RUFY2: variants seen among roughly 807,000 people sequenced by gnomAD.
The protein encoded by RUFY2 is RUN and FYVE domain-containing protein 2.
RUFY2 carries 49 observed loss-of-function variants against 94.4 expected under a neutral mutation model. That is an observed-to-expected ratio of 0.52 (90% CI 0.41 to 0.66). The LOEUF (loss-of-function observed/expected upper bound fraction) is 0.66. Ranked by LOEUF, RUFY2 falls within the 30% of genes least tolerant of loss-of-function variation. The probability of loss-of-function intolerance (pLI) is 0.00; values close to 1 mark genes in which losing one functional copy is unlikely to be tolerated. For missense variants in RUFY2, 541 were observed against 692.8 expected (o/e 0.78, Z 2.46); for synonymous variants, 255 against 235.7 (o/e 1.08, Z -0.75).
At chr10:68,396,757 G>T (rs751378178) in intron 4 of RUFY2, 23 bp downstream of exon 4, 33 of 1,480,832 alleles carry the variant, frequency 2.2e-5, no homozygotes, top group Non-Finnish European at 3.1e-5. Flanking sequence ...AAAATGAAAA[G>T]ATCACGACTT....
chr10:68,385,493 T>C (rs1055757501), intron 8 of RUFY2, among the ~76,000 whole-genome samples: 9 of 151,900 alleles, frequency 5.9e-5, no homozygotes, highest in African/African-American at 1.9e-4. Context: ...GGTGGAAAAA[T>C]GGTCAACATG....
downstream of RUFY2, chr10:68,341,803 A>G: frequency 6.2e-7 from 1 of 1,610,604 alleles, no homozygotes; most frequent in South Asian, 1.1e-5. Flanking sequence ...GGGAATGGGG[A>G]ACAATTACAG....
chr10:68,397,899 C>A (rs1322976821), intron 3 of RUFY2, among the ~76,000 whole-genome samples: 1 of 151,852 alleles, frequency 6.6e-6, no homozygotes, highest in Non-Finnish European at 1.5e-5. Flanking sequence ...GAGGCCGAGG[C>A]GAGCGGATCA....
At chr10:68,365,454 G>C (rs1359707480) in intron 13 of RUFY2, among the ~76,000 whole-genome samples, 1 of 152,088 alleles carries the variant, frequency 6.6e-6, no homozygotes, top group Non-Finnish European at 1.5e-5. Flanking sequence ...CCCAGCCTGA[G>C]TGTGGGTGTG....
At chr10:68,357,320 C>T (rs977182171) in intron 15 of RUFY2, among the ~76,000 whole-genome samples, 1 of 151,546 alleles carries the variant, frequency 6.6e-6, no homozygotes, top group Non-Finnish European at 1.5e-5. Flanking sequence ...CCTCCGCCCC[C>T]AAGGTTCAAG....
intron 13 of RUFY2, among the ~76,000 whole-genome samples, chr10:68,369,266 C>T (rs971821357): frequency 6.6e-6 from 1 of 152,284 alleles, no homozygotes; most frequent in East Asian, 1.9e-4. Context: ...AAGCAGATCA[C>T]TTGAGGTCAG....
Position 68,344,230 on chromosome 10 carries a change from AAAATTT to A in RUFY2, c.*1532_*1537del, listed in dbSNP as rs368744319. 1.3e-5 allele frequency: 2 copies of A among 152,324 alleles called. No homozygotes were observed. Among genetic ancestry groups the A allele is most frequent in the African/African-American group, 4.8e-5 (2 of 41,582 alleles). 9.4% of individuals were successfully genotyped at this position (152,324 alleles called of 1,614,324 possible). ...TCATTTCATACTTAGGCTATTCAGA[AAAATTT>A]AAATTTCATGGAAGCATATATTCAT... On this transcript the variant is annotated 3_prime_UTR_variant, in exon 18 of 18. Transcript: ENST00000602465.
intron 3 of RUFY2, among the ~76,000 whole-genome samples, chr10:68,399,315 G>A (rs1351845802): frequency 1.3e-5 from 2 of 152,110 alleles, no homozygotes; most frequent in African/African-American, 4.8e-5. Context: ...AAAGTTCTGG[G>A]ATTATAGGCG....
At chr10:68,388,531 C>T (rs1241896001) in intron 7 of RUFY2, among the ~76,000 whole-genome samples, 1 of 152,086 alleles carries the variant, frequency 6.6e-6, no homozygotes, top group African/African-American at 2.4e-5. Context: ...ACAATAACTA[C>T]TTTTTATTAG....
At chr10:68,395,209 A>G (rs1326225933) in intron 4 of RUFY2, among the ~76,000 whole-genome samples, 1 of 151,998 alleles carries the variant, frequency 6.6e-6, no homozygotes, top group Admixed American at 6.6e-5. Flanking sequence ...GTGGTGGCAC[A>G]CGCCTGTAAT....
At chr10:68,392,543 C>A (rs1203320459) in intron 7 of RUFY2, among the ~76,000 whole-genome samples, 1 of 152,100 alleles carries the variant, frequency 6.6e-6, no homozygotes, top group African/African-American at 2.4e-5. Context: ...CAAACTGATA[C>A]AAACTTTTAC....
intron 16 of RUFY2, among the ~76,000 whole-genome samples, chr10:68,348,832 G>C (rs2046459920): frequency 6.6e-6 from 1 of 152,178 alleles, no homozygotes; most frequent in African/African-American, 2.4e-5. Flanking sequence ...AAAACTTAAA[G>C]CCTAGAGAGC....
At chr10:68,371,401 G>A (rs1258744382) in intron 13 of RUFY2, among the ~76,000 whole-genome samples, 3 of 151,144 alleles carry the variant, frequency 2.0e-5, no homozygotes, top group African/African-American at 2.4e-5. Flanking sequence ...CAACCTGGGC[G>A]ACAGGCTGAG....
chr10:68,352,562 T>C (rs1282918867), intron 16 of RUFY2, among the ~76,000 whole-genome samples: 1 of 152,192 alleles, frequency 6.6e-6, no homozygotes, highest in Admixed American at 6.6e-5. Context: ...GAAAACTTTA[T>C]CAAGAAGCTT....
In RUFY2 at chr10:68,343,682, A is replaced by G. The variant is rs757131030; in HGVS notation, c.*2086T>C. The G allele has an allele frequency of 1.3e-5, 2 of 152,510 alleles. No individual in the cohort carries two copies. Among genetic ancestry groups the G allele is most frequent in the Non-Finnish European group, 2.9e-5 (2 of 67,994 alleles). The allele number at this position is 152,510 out of a possible 1,614,324, so 9.4% of individuals were successfully genotyped here. A position where few individuals can be genotyped will look rare whatever the true frequency, so the allele number is the denominator to read the frequency against. On this transcript the variant is annotated 3_prime_UTR_variant, in exon 18 of 18. Transcript: ENST00000602465. Reference sequence around the variant, plus strand: ...GTTAAGTCTGTTTTTGAAAAGTAAAATGAATACGAGTTCACAATCACGAAA... The same window carrying G: ...GTTAAGTCTGTTTTTGAAAAGTAAAGTGAATACGAGTTCACAATCACGAAA...
intron 16 of RUFY2, among the ~76,000 whole-genome samples, chr10:68,349,226 G>A (rs927830834): frequency 6.6e-6 from 1 of 152,026 alleles, no homozygotes; most frequent in African/African-American, 2.4e-5. Flanking sequence ...TCAGAGAATC[G>A]ATAATGAGGC....
chr10:68,364,573 C>T (rs1357473435), intron 13 of RUFY2, among the ~76,000 whole-genome samples: 3 of 152,216 alleles, frequency 2.0e-5, no homozygotes, highest in African/African-American at 4.8e-5. Context: ...ACTTCAGTAA[C>T]GGCAAAATCA....
intron 16 of RUFY2, among the ~76,000 whole-genome samples, chr10:68,349,530 T>C (rs1466588423): frequency 6.6e-6 from 1 of 151,850 alleles, no homozygotes; most frequent in Non-Finnish European, 1.5e-5. Context: ...AAAAATTTTT[T>C]TTTAAAGAAA....
intron 2 of RUFY2, 72 bp from the exon 3 acceptor site, chr10:68,401,809 G>A: frequency 1.1e-6 from 1 of 872,684 alleles, no homozygotes; most frequent in Non-Finnish European, 1.9e-6. Context: ...TAAATATTTA[G>A]TTTCAACATT....
Sources: gnomAD v4.1 joint callset for allele counts (sites outside exome capture counted in the v4.1 genomes callset) on GRCh38, gnomAD v4.1.1 for gene constraint, MANE v1.5 for transcripts, NCBI Gene and HGNC (gene_info 2026-07-23, HGNC 2026-07-21) for gene names.